Variants in TSPAN9 observed in about 807,000 individuals in gnomAD.
The protein encoded by TSPAN9 is tetraspanin 9.
A neutral mutation model predicts 31.0 loss-of-function variants in TSPAN9; 16 were observed. The observed-to-expected ratio is 0.52, with a 90% CI of 0.35 to 0.78. TSPAN9 has a LOEUF of 0.78. Among genes scored for constraint, TSPAN9 ranks in the 30% least tolerant of loss-of-function variants. The probability of loss-of-function intolerance (pLI) is 0.01; values close to 1 mark genes in which losing one functional copy is unlikely to be tolerated. For missense variants in TSPAN9, 272 were observed against 312.5 expected (o/e 0.87, Z 0.98); for synonymous variants, 145 against 121.6 (o/e 1.19, Z -1.27).
chr12:3,100,057 G>T (rs1160817360), intron 2 of TSPAN9, among the ~76,000 whole-genome samples: 1 of 152,030 alleles, frequency 6.6e-6, no homozygotes, highest in Non-Finnish European at 1.5e-5. Context: ...TAGCCGGGAT[G>T]GTCTCGATCT....
intron 2 of TSPAN9, among the ~76,000 whole-genome samples, chr12:3,189,097 AG>A (rs1254226367): frequency 1.3e-5 from 2 of 152,212 alleles, no homozygotes; most frequent in Non-Finnish European, 2.9e-5. Context: ...GAGTAAAATC[AG>A]TGTCCAAAAG....
chr12:3,253,585 A>G (rs762002884), intron 3 of TSPAN9, among the ~76,000 whole-genome samples: 11 of 152,260 alleles, frequency 7.2e-5, no homozygotes, highest in Non-Finnish European at 1.3e-4. Context: ...CCTTGTAGAC[A>G]GTCCCTGCGA....
At chr12:3,259,010 G>A (rs986047010) in intron 3 of TSPAN9, among the ~76,000 whole-genome samples, 12 of 152,144 alleles carry the variant, frequency 7.9e-5, no homozygotes, top group Non-Finnish European at 1.3e-4. Context: ...GAAATAGAGT[G>A]TGGGTCTGAG....
chr12:3,265,994 G>A (rs1591714306), intron 3 of TSPAN9, among the ~76,000 whole-genome samples: 2 of 152,078 alleles, frequency 1.3e-5, no homozygotes, highest in Non-Finnish European at 2.9e-5. Flanking sequence ...ATACGGGCTC[G>A]GTTAATGCCA....
At chr12:3,083,033 C>T (rs1332582057) in intron 1 of TSPAN9, among the ~76,000 whole-genome samples, 2 of 152,226 alleles carry the variant, frequency 1.3e-5, no homozygotes, top group African/African-American at 4.8e-5. Context: ...CATGTTTCTG[C>T]AGAGTCAAAT....
rs187475727 is a variant in TSPAN9 at position 3,247,575 on chromosome 12, C to G, written c.64-30846C>G. 5.9e-5 allele frequency among the ~76,000 whole-genome samples: 9 copies of G among 152,248 alleles called. No homozygotes were observed. In the East Asian group the frequency reaches 1.7e-3, roughly 29 times the overall value. On this transcript the variant is annotated intron_variant, in intron 3 of 8. Transcript: ENST00000011898. ...TGGAGTTTTCCAGTCTACAGAGTAC[C>G]CGTAGGGAGTACCCACTGAGTAGGT...
intron 2 of TSPAN9, among the ~76,000 whole-genome samples, chr12:3,093,337 C>A (rs377376152): frequency 6.6e-6 from 1 of 152,150 alleles, no homozygotes; most frequent in East Asian, 1.9e-4. Flanking sequence ...TGTGAGCCCC[C>A]CATCCTGATT....
chr12:3,218,818 T>G (rs575007649), intron 3 of TSPAN9, among the ~76,000 whole-genome samples: 3 of 152,302 alleles, frequency 2.0e-5, no homozygotes, highest in Admixed American at 2.0e-4. Context: ...CAAATGCATC[T>G]GGCTGGAATC....
At position 3,192,025 on chromosome 12, in the gene TSPAN9, A is replaced by G. The variant is rs10774128; in HGVS notation, c.-17-9152A>G. Among the ~76,000 whole-genome samples the G allele has an allele frequency of 0.99, 151,326 of 152,266 alleles. 75,210 individuals carry two copies. The highest frequency in any genetic ancestry group is 1 in the Middle Eastern group (294 of 294). On this transcript the variant is annotated intron_variant, in intron 2 of 8. Coordinates refer to ENST00000011898, the MANE Select transcript of TSPAN9 (RefSeq NM_006675.5). This position sits in a 1 kb window ranked among gnomAD's most constrained non-coding sequence, Gnocchi z 4.6. ...GCAGTGGGTCCAGGAAGAGCATCCA[A>G]GCAGAGGGAACAGCATGGGCGGAGG... is the stretch of plus-strand genomic sequence containing the variant.
At chr12:3,248,848 C>A (rs1244063348) in intron 3 of TSPAN9, among the ~76,000 whole-genome samples, 1 of 152,180 alleles carries the variant, frequency 6.6e-6, no homozygotes, top group Non-Finnish European at 1.5e-5. Context: ...CAACTTCTTG[C>A]TTCAAAAGTC....
intron 3 of TSPAN9, among the ~76,000 whole-genome samples, chr12:3,233,335 C>G (rs182253118): frequency 6.6e-6 from 1 of 152,228 alleles, no homozygotes; most frequent in African/African-American, 2.4e-5. Flanking sequence ...AATCCACCAC[C>G]TAGCTGAATG....
intron 2 of TSPAN9, among the ~76,000 whole-genome samples, chr12:3,095,716 G>A (rs1257875577): frequency 4.0e-5 from 6 of 151,168 alleles, no homozygotes; most frequent in South Asian, 2.1e-4. Context: ...GGGCAGAGGC[G>A]CTCCCCACAT....
chr12:3,220,512 T>C (rs1361943120), intron 3 of TSPAN9, among the ~76,000 whole-genome samples: 1 of 152,192 alleles, frequency 6.6e-6, no homozygotes, highest in Non-Finnish European at 1.5e-5. Flanking sequence ...GCCGAGATGC[T>C]TCTTTGGAGC....
At chr12:3,276,741 T>G (rs1862797063) in intron 3 of TSPAN9, among the ~76,000 whole-genome samples, 1 of 152,170 alleles carries the variant, frequency 6.6e-6, no homozygotes, top group African/African-American at 2.4e-5. Flanking sequence ...AATCTACTCT[T>G]CGTGAAGGCA....
intron 3 of TSPAN9, among the ~76,000 whole-genome samples, chr12:3,254,966 G>T (rs1862318104): frequency 6.6e-6 from 1 of 152,192 alleles, no homozygotes; most frequent in South Asian, 2.1e-4. Flanking sequence ...GTTTCCAGGG[G>T]ACAGGGGAGA....
chr12:3,223,315 G>A (rs995097820), intron 3 of TSPAN9, among the ~76,000 whole-genome samples: 1 of 152,156 alleles, frequency 6.6e-6, no homozygotes, highest in Non-Finnish European at 1.5e-5. Context: ...ACAGCTCACC[G>A]CCAAGGCCTC....
chr12:3,239,088 A>G (rs1041558062), intron 3 of TSPAN9, among the ~76,000 whole-genome samples: 1 of 152,154 alleles, frequency 6.6e-6, no homozygotes, highest in Non-Finnish European at 1.5e-5. Context: ...GCCTGACTTC[A>G]TCATCCTGGG....
chr12:3,190,246 TC>T (rs2153971987), intron 2 of TSPAN9, among the ~76,000 whole-genome samples: 1 of 152,288 alleles, frequency 6.6e-6, no homozygotes, highest in South Asian at 2.1e-4. Context: ...AGCTGGCAAG[TC>T]AGCACCCTCT....
At chr12:3,212,091 C>T (rs1272904390) in intron 3 of TSPAN9, among the ~76,000 whole-genome samples, 7 of 152,302 alleles carry the variant, frequency 4.6e-5, no homozygotes, top group Admixed American at 4.6e-4. Flanking sequence ...TATGCCTCAG[C>T]CTCCCGAGTA....
Sources: gnomAD v4.1 joint callset for allele counts (sites outside exome capture counted in the v4.1 genomes callset) on GRCh38, gnomAD v4.1.1 for gene constraint, Gnocchi (gnomAD v3.1) non-coding constraint, MANE v1.5 for transcripts, NCBI Gene and HGNC (gene_info 2026-07-23, HGNC 2026-07-21) for gene names.